PEX13: variants seen among roughly 807,000 people sequenced by gnomAD.
The protein encoded by PEX13 is peroxisome biogenesis factor 13.
In PEX13, 28 loss-of-function variants were observed where a neutral mutation model predicts 34.5. The ratio of observed to expected loss-of-function variants is 0.81; its 90% CI spans 0.60 to 1.11. The LOEUF is 1.11. Ranked by LOEUF, PEX13 falls within the 50% of genes most tolerant of loss-of-function variation. The pLI, the probability that PEX13 is intolerant of heterozygous loss-of-function variation, is 0.00. For synonymous variants in PEX13, 177 were observed against 175.1 expected (o/e 1.01, Z -0.09); for missense variants, 550 against 491.0 (o/e 1.12, Z -1.13).
At position 61,018,328 on chromosome 2, in the gene PEX13, G is replaced by C. The variant is rs886313830; in HGVS notation, c.92+477G>C. 8.5e-6 allele frequency: 13 copies of C among 1,532,948 alleles called. No homozygotes were observed. The African/African-American group carries it at 1.8e-4, about 21-fold the overall frequency. 95.0% of individuals were successfully genotyped at this position (1,532,948 alleles called of 1,614,324 possible). ...TTTACGCAACAGGAACTCAAGCCCC[G>C]TACACTTTGCATTCTTTTCCAGCAT... On this transcript the variant is annotated intron_variant, in intron 1 of 3. Coordinates refer to ENST00000295030, the MANE Select transcript of PEX13 (RefSeq NM_002618.4).
rs1299973758 is a variant in PEX13, at chr2:61,044,729, T to G, written c.788-997T>G. On this transcript the variant is annotated intron_variant, in intron 2 of 3. Coordinates refer to ENST00000295030, the MANE Select transcript of PEX13 (RefSeq NM_002618.4). The stretch of plus-strand genomic sequence containing the variant: ...AAACGGAAACCACAAAGCAGAACAG[T>G]GCTTATATGCAAAACTTATGCTGGA... 2.0e-5 allele frequency among the ~76,000 whole-genome samples: 3 copies of G among 152,298 alleles called. No homozygotes were observed. The East Asian group carries it at 5.8e-4, about 29-fold the overall frequency.
chr2:61,043,835 TA>T (rs1223076671), intron 2 of PEX13, among the ~76,000 whole-genome samples: 5 of 152,212 alleles, frequency 3.3e-5, no homozygotes, highest in African/African-American at 1.2e-4. Context: ...AGTTTTATTT[TA>T]TTTTTTTTGA....
At chr2:61,020,568 G>A (rs1680238042) in intron 1 of PEX13, among the ~76,000 whole-genome samples, 1 of 152,146 alleles carries the variant, frequency 6.6e-6, no homozygotes, top group East Asian at 1.9e-4. Context: ...ACTGTTAAAT[G>A]TGAAGTTTGC....
At position 61,018,324 on chromosome 2, in the gene PEX13, C is replaced by T. The variant is rs903718853; in HGVS notation, c.92+473C>T. 41 of 1,534,052 alleles carry T rather than the reference C, an allele frequency of 2.7e-5. No individual in the cohort carries two copies. In the Middle Eastern group the frequency reaches 5.0e-4, roughly 19 times the overall value. ...AGGTTTTACGCAACAGGAACTCAAG[C>T]CCCGTACACTTTGCATTCTTTTCCA... On this transcript the variant is annotated intron_variant, in intron 1 of 3. Transcript: ENST00000295030.
intron 1 of PEX13, among the ~76,000 whole-genome samples, chr2:61,025,362 A>G (rs1680336164): frequency 7.2e-6 from 1 of 139,160 alleles, no homozygotes; most frequent in Non-Finnish European, 1.6e-5. Context: ...TATTATCATT[A>G]TTATTATTAT....
chr2:61,025,007 A>G (rs916991048), intron 1 of PEX13, among the ~76,000 whole-genome samples: 16 of 152,300 alleles, frequency 1.1e-4, no homozygotes, highest in Admixed American at 8.5e-4. Context: ...TAATAAGTCT[A>G]TAATAACTCT....
chr2:61,021,811 A>G (rs1448735455), intron 1 of PEX13, among the ~76,000 whole-genome samples: 2 of 152,226 alleles, frequency 1.3e-5, no homozygotes, highest in Non-Finnish European at 2.9e-5. Context: ...CCTCTGGGAC[A>G]AAGCTTCCAG....
At position 61,031,635 on chromosome 2, in the gene PEX13, G is replaced by T; in HGVS notation, c.309G>T (p.Leu103=). Residue 103 remains leucine (L), a synonymous_variant, in exon 2 of 4, where the codon CTG becomes CTT. Transcript: ENST00000295030. ...YSPYSYGYNG[L]GYNRLRVDDL... is the part of the protein sequence containing the mutation. ...CTTATAGTTATGGATATAATGGGCTGGGCTACAACCGCCTCCGTGTAGATG... is the reference window on the plus strand; with the variant it reads ...CTTATAGTTATGGATATAATGGGCTTGGCTACAACCGCCTCCGTGTAGATG... The T allele has an allele frequency of 6.2e-7, 1 of 1,614,090 alleles. No individual in the cohort carries two copies. The highest frequency in any genetic ancestry group is 8.5e-7 in the Non-Finnish European group (1 of 1,180,002).
At chr2:61,018,005 T>C in intron 1 of PEX13, 154 bp downstream of exon 1, 1 of 1,349,130 alleles carries the variant, frequency 7.4e-7, no homozygotes, top group Non-Finnish European at 1.0e-6. Flanking sequence ...CTGGGGCGCT[T>C]ACCAGTGGGG....
chr2:61,051,493 C>T lies in PEX13; in HGVS notation c.*2723C>T, dbSNP rs1359299367. The stretch of plus-strand genomic sequence containing the variant: ...TGCATTATCTGGTGACTATTTGTGC[C>T]TGAAAATTCGTTTTGTATTAAAATT... On this transcript the variant is annotated 3_prime_UTR_variant, in exon 4 of 4. Coordinates refer to ENST00000295030, the MANE Select transcript of PEX13 (RefSeq NM_002618.4). 2 of 152,190 alleles carry T rather than the reference C, an allele frequency of 1.3e-5. No homozygotes were observed. The highest frequency in any genetic ancestry group is 1.3e-4 in the Admixed American group (2 of 15,258). 9.4% of individuals were successfully genotyped at this position (152,190 alleles called of 1,614,324 possible). A position where few individuals can be genotyped will look rare whatever the true frequency, so the allele number is the denominator to read the frequency against.
At position 61,049,556 on chromosome 2, in the gene PEX13, C is replaced by G. The variant is rs963346049; in HGVS notation, c.*786C>G. On this transcript the variant is annotated 3_prime_UTR_variant, in exon 4 of 4. Coordinates refer to ENST00000295030, the MANE Select transcript of PEX13 (RefSeq NM_002618.4). ...TGGGAGGCTGAGGCGGGCAGATCAC[C>G]TGAGGTTGGGAGTTCAAGACCACCC... 6.6e-6 allele frequency: 1 copy of G among 152,218 alleles called. No individual in the cohort carries two copies. The highest frequency in any genetic ancestry group is 1.9e-4 in the East Asian group (1 of 5,310). The allele number at this position is 152,218 out of a possible 1,614,324, so 9.4% of individuals were successfully genotyped here.
intron 2 of PEX13, among the ~76,000 whole-genome samples, chr2:61,032,899 G>T (rs2104804282): frequency 6.6e-6 from 1 of 152,268 alleles, no homozygotes. Flanking sequence ...AGATTTATTT[G>T]GTAGTTGTCC....
chr2:61,046,826 T>C lies in PEX13; in HGVS notation c.913+975T>C, dbSNP rs547698669. On this transcript the variant is annotated intron_variant, in intron 3 of 3. Transcript: ENST00000295030. ...TTCACCCTTTTTTTGGTTTTAGTCA[T>C]TTTTTGCAGGGAAGAAATACTTTCA... Among the ~76,000 whole-genome samples the C allele has an allele frequency of 2.9e-4, 44 of 152,302 alleles. No homozygotes were observed. The South Asian group carries it at 7.9e-3, about 27-fold the overall frequency.
intron 2 of PEX13, among the ~76,000 whole-genome samples, chr2:61,044,429 T>G (rs1346812579): frequency 6.6e-6 from 1 of 152,166 alleles, no homozygotes; most frequent in Non-Finnish European, 1.5e-5. Flanking sequence ...TGTTTATTTT[T>G]TTGTAGAAAC....
intron 1 of PEX13, among the ~76,000 whole-genome samples, chr2:61,025,342 T>C (rs1357900194): frequency 6.6e-6 from 1 of 150,632 alleles, no homozygotes; most frequent in East Asian, 1.9e-4. Flanking sequence ...AGCCCTATCA[T>C]TATTATTATT....
At position 61,017,787 on chromosome 2, in the gene PEX13, A is replaced by T; in HGVS notation, c.28A>T (p.Lys10Ter). 6.5e-7 allele frequency: 1 copy of T among 1,550,274 alleles called. No homozygotes were observed. Among genetic ancestry groups the T allele is most frequent in the Non-Finnish European group, 8.7e-7 (1 of 1,146,868 alleles). The change falls in exon 1 of 4, where the codon AAA becomes TAA. Residue 10 changes from lysine (K) to a stop codon, truncating the protein, a stop_gained. Transcript: ENST00000295030. LOFTEE classifies it high-confidence loss of function. Reference sequence around the variant, plus strand: ...GGCGTCCCAGCCGCCACCTCCCCCCAAACCCTGGGAGACCCGCCGAATTCC... The same window carrying T: ...GGCGTCCCAGCCGCCACCTCCCCCCTAACCCTGGGAGACCCGCCGAATTCC... MASQPPPPP[K>*]PWETRRIPGA... is the part of the protein sequence containing the mutation.
intron 1 of PEX13, among the ~76,000 whole-genome samples, chr2:61,027,568 T>C (rs1235573625): frequency 1.3e-5 from 2 of 152,222 alleles, no homozygotes; most frequent in African/African-American, 2.4e-5. Flanking sequence ...GCCTCAAGCA[T>C]TGAACTGGTT....
At chr2:61,034,332 A>T (rs950247201) in intron 2 of PEX13, among the ~76,000 whole-genome samples, 2 of 152,172 alleles carry the variant, frequency 1.3e-5, no homozygotes, top group African/African-American at 4.8e-5. Context: ...TTTTGCGGGC[A>T]GTCGCTTCCA....
intron 1 of PEX13, among the ~76,000 whole-genome samples, chr2:61,030,309 T>A (rs1680430028): frequency 6.6e-6 from 1 of 152,154 alleles, no homozygotes; most frequent in Admixed American, 6.5e-5. Flanking sequence ...AGGACAAACG[T>A]ACATCAGGTA....
Sources: allele counts gnomAD v4.1 joint callset (sites outside exome capture counted in the v4.1 genomes callset), GRCh38; gene constraint gnomAD v4.1.1; transcripts MANE v1.5; gene names NCBI Gene and HGNC (gene_info 2026-07-23, HGNC 2026-07-21).